Variants in POFUT3 observed in about 807,000 individuals in gnomAD.
POFUT3 encodes the protein protein O-fucosyltransferase 3.
the POFUT3 span, among the ~76,000 whole-genome samples, chr8:33,326,441 T>C: frequency 6.6e-6 from 1 of 152,206 alleles, no homozygotes; most frequent in Non-Finnish European, 1.5e-5. Context: ...TAGTCATATA[T>C]TCAGTATTAC....
chr8:33,357,334 T>C, the POFUT3 span, among the ~76,000 whole-genome samples: 1 of 152,064 alleles, frequency 6.6e-6, no homozygotes, highest in Non-Finnish European at 1.5e-5. Context: ...ATCTTTCCTA[T>C]CTCCAAAAGG....
the POFUT3 span, among the ~76,000 whole-genome samples, chr8:33,416,987 C>T: frequency 0.022 from 3,386 of 152,272 alleles, 102 homozygotes; most frequent in African/African-American, 0.068. Context: ...GGTATCCATC[C>T]GTAGCCTGTT....
chr8:33,440,029 T>A, the POFUT3 span, among the ~76,000 whole-genome samples: 1 of 151,960 alleles, frequency 6.6e-6, no homozygotes, highest in Non-Finnish European at 1.5e-5. Flanking sequence ...CTGCCTCAAA[T>A]GTTAGGTCCT....
At chr8:33,356,490 A>G in the POFUT3 span, among the ~76,000 whole-genome samples, 1 of 150,002 alleles carries the variant, frequency 6.7e-6, no homozygotes. Flanking sequence ...GTGTCTGTTC[A>G]TGTCCTTTGC....
the POFUT3 span, among the ~76,000 whole-genome samples, chr8:33,397,315 G>A: frequency 6.6e-6 from 1 of 152,190 alleles, no homozygotes; most frequent in African/African-American, 2.4e-5. Flanking sequence ...GAGGTTTTGG[G>A]AAGAGCATTG....
the POFUT3 span, among the ~76,000 whole-genome samples, chr8:33,320,782 C>A: frequency 6.6e-6 from 1 of 152,174 alleles, no homozygotes; most frequent in South Asian, 2.1e-4. Flanking sequence ...TTCATGGCAG[C>A]TGAGTTACAA....
the POFUT3 span, among the ~76,000 whole-genome samples, chr8:33,405,135 C>A: frequency 6.6e-6 from 1 of 152,042 alleles, no homozygotes; most frequent in Non-Finnish European, 1.5e-5. Context: ...TAGCTCCCCA[C>A]CAGACCAGAA....
At chr8:33,386,188 C>CA in the POFUT3 span, among the ~76,000 whole-genome samples, 3,585 of 31,812 alleles carry the variant, frequency 0.11, 449 homozygotes, top group African/African-American at 0.14. Flanking sequence ...GGCTCCATCT[C>CA]AAAAAAAAAA....
At chr8:33,450,331 A>G in the POFUT3 span, among the ~76,000 whole-genome samples, 2 of 152,240 alleles carry the variant, frequency 1.3e-5, no homozygotes, top group Non-Finnish European at 2.9e-5. Context: ...CTCGTGGTAC[A>G]CGTACCATTT....
chr8:33,322,189 T>G, the POFUT3 span, among the ~76,000 whole-genome samples: 3 of 152,232 alleles, frequency 2.0e-5, no homozygotes, highest in African/African-American at 7.2e-5. Context: ...TTTCCCTAAA[T>G]GTATAAGAGC....
chr8:33,448,390 C>T, the POFUT3 span, among the ~76,000 whole-genome samples: 2 of 152,072 alleles, frequency 1.3e-5, no homozygotes, highest in Non-Finnish European at 2.9e-5. Flanking sequence ...GAGCTATGAT[C>T]ATGCCACTGC....
the POFUT3 span, among the ~76,000 whole-genome samples, chr8:33,332,163 A>G: frequency 1.3e-4 from 19 of 145,176 alleles, no homozygotes; most frequent in South Asian, 4.8e-4. Flanking sequence ...AAGAAGAAGA[A>G]GAGGAGGAGG....
At chr8:33,323,953 T>C in the POFUT3 span, among the ~76,000 whole-genome samples, 30 of 152,260 alleles carry the variant, frequency 2.0e-4, no homozygotes, top group Admixed American at 1.2e-3. Flanking sequence ...TCAAGTACAA[T>C]AGACATGTAT....
the POFUT3 span, among the ~76,000 whole-genome samples, chr8:33,470,125 T>C: frequency 4.0e-5 from 6 of 150,578 alleles, no homozygotes; most frequent in African/African-American, 1.5e-4. Context: ...GAAAGCTTGG[T>C]GTCGTGGCTC....
chr8:33,310,141 GAC>G, the POFUT3 span, among the ~76,000 whole-genome samples: 1 of 151,974 alleles, frequency 6.6e-6, no homozygotes, highest in East Asian at 1.9e-4. Flanking sequence ...TTCTATCTTT[GAC>G]AAACAGAATC....
the POFUT3 span, among the ~76,000 whole-genome samples, chr8:33,345,602 T>G: frequency 6.6e-6 from 1 of 150,928 alleles, no homozygotes; most frequent in Non-Finnish European, 1.5e-5. Flanking sequence ...GGTTTCACCA[T>G]GTTGACCAGG....
the POFUT3 span, among the ~76,000 whole-genome samples, chr8:33,318,474 T>C: frequency 1.5e-5 from 2 of 132,702 alleles, no homozygotes; most frequent in African/African-American, 5.7e-5. Context: ...TATTATATTA[T>C]TATAATATAT....
chr8:33,447,772 ATCCT>A, the POFUT3 span, among the ~76,000 whole-genome samples: 1 of 152,234 alleles, frequency 6.6e-6, no homozygotes. Context: ...AGTTTCCTTT[ATCCT>A]TAATTAGGTC....
chr8:33,443,299 C>A, the POFUT3 span, among the ~76,000 whole-genome samples: 1 of 152,020 alleles, frequency 6.6e-6, no homozygotes, highest in African/African-American at 2.4e-5. Context: ...CAAATTAATA[C>A]CTGCACAGAG....
Sources: allele counts gnomAD v4.1 joint callset (sites outside exome capture counted in the v4.1 genomes callset), GRCh38; gene constraint gnomAD v4.1.1; transcripts MANE v1.5; gene names NCBI Gene and HGNC (gene_info 2026-07-23, HGNC 2026-07-21).